The following PKIG variants were observed in gnomAD, a reference collection of about 807,000 sequenced individuals.
PKIG encodes protein kinase (cAMP-dependent, catalytic) inhibitor gamma.
A neutral mutation model predicts 6.8 loss-of-function variants in PKIG; 1 was observed. The ratio of observed to expected loss-of-function variants is 0.15; its 90% CI spans 0.05 to 0.69. The LOEUF (loss-of-function observed/expected upper bound fraction) is 0.69, where lower values mean the gene tolerates loss of function less well. Ranked by LOEUF, PKIG falls within the 30% of genes least tolerant of loss-of-function variation. The pLI is 0.82. For missense variants in PKIG, 77 were observed against 104.0 expected, an observed-to-expected ratio of 0.74 and a Z score of 1.13; for synonymous variants, 39 against 43.0, an observed-to-expected ratio of 0.91 and a Z score of 0.36.
chr20:44,533,044 G>A (rs1037084092), intron 1 of PKIG, among the ~76,000 whole-genome samples: 2 of 152,168 alleles, frequency 1.3e-5, no homozygotes, highest in African/African-American at 2.4e-5. Flanking sequence ...GTTTTAAGCC[G>A]GAGGTGTGTG....
At chr20:44,602,552 G>T (rs1463893833) in intron 2 of PKIG, among the ~76,000 whole-genome samples, 3 of 151,934 alleles carry the variant, frequency 2.0e-5, no homozygotes, top group Non-Finnish European at 2.9e-5. Context: ...AGACTTGGAG[G>T]CCAGGTGCGG....
At chr20:44,556,844 T>A (rs1275644897) in intron 1 of PKIG, among the ~76,000 whole-genome samples, 1 of 152,140 alleles carries the variant, frequency 6.6e-6, no homozygotes, top group Non-Finnish European at 1.5e-5. Flanking sequence ...TTCATAAGAT[T>A]TTCTTTCTTC....
chr20:44,576,259 A>T (rs2064897240), intron 1 of PKIG, among the ~76,000 whole-genome samples: 1 of 151,836 alleles, frequency 6.6e-6, no homozygotes, highest in Non-Finnish European at 1.5e-5. Flanking sequence ...GGCACTTGGG[A>T]TAGATGTATT....
intron 2 of PKIG, among the ~76,000 whole-genome samples, chr20:44,605,812 T>A (rs2065159541): frequency 6.6e-6 from 1 of 152,008 alleles, no homozygotes; most frequent in South Asian, 2.1e-4. Flanking sequence ...CTCAGGAAGC[T>A]AAGCTAGGAG....
intron 1 of PKIG, among the ~76,000 whole-genome samples, chr20:44,585,386 C>T (rs114469250): frequency 8.9e-4 from 136 of 152,322 alleles, no homozygotes; most frequent in African/African-American, 3.2e-3. Context: ...TCTCATTTGG[C>T]TTTGGTATCT....
chr20:44,548,903 C>CAT lies in PKIG; in HGVS notation c.-241+16930_-241+16931dup, dbSNP rs1184403763. Among the ~76,000 whole-genome samples the CAT allele has an allele frequency of 2.1e-3, 171 of 81,262 alleles. 1 individual carries two copies. Among genetic ancestry groups the CAT allele is most frequent in the African/African-American group, 0.011 (165 of 14,728 alleles). 53.3% of individuals were successfully genotyped at this position (81,262 alleles called of 152,430 possible). A position where few individuals can be genotyped will look rare whatever the true frequency, so the allele number is the denominator to read the frequency against. The stretch of plus-strand genomic sequence containing the variant: ...ACACACACACACACACACACACACA[C>CAT]ATATATCTGTCTGAGATAATAATTA... On this transcript the variant is annotated intron_variant, in intron 1 of 4. Transcript: ENST00000372887.
At chr20:44,606,032 T>C (rs913480498) in intron 2 of PKIG, among the ~76,000 whole-genome samples, 3 of 152,152 alleles carry the variant, frequency 2.0e-5, no homozygotes, top group Non-Finnish European at 4.4e-5. Context: ...ATTTTACTAA[T>C]GAATATAAAA....
intron 2 of PKIG, among the ~76,000 whole-genome samples, chr20:44,600,748 G>A (rs1050341524): frequency 1.3e-5 from 2 of 152,004 alleles, no homozygotes; most frequent in Non-Finnish European, 2.9e-5. Flanking sequence ...CATGGGTGGT[G>A]AAGAAGAAGC....
At chr20:44,564,572 GTTA>G (rs1006899931) in intron 1 of PKIG, among the ~76,000 whole-genome samples, 102 of 152,072 alleles carry the variant, frequency 6.7e-4, no homozygotes, top group African/African-American at 2.4e-3. Context: ...TCTAGCCGTT[GTTA>G]TTATTATTTT....
At chr20:44,579,349 C>G (rs1454339958), upstream of PKIG, among the ~76,000 whole-genome samples, 1 of 152,226 alleles carries the variant, frequency 6.6e-6, no homozygotes, top group African/African-American at 2.4e-5. Context: ...TCAAATGGAG[C>G]TGATGCTGCT....
Position 44,562,332 on chromosome 20 carries a change from A to G in PKIG, c.-240-20253A>G, listed in dbSNP as rs559571434. ...AAATAACCAAAATCAAGAATGAAAAAGAGGGGGCTGGGCCCAGCCTTTAAT... is the reference window on the plus strand; with the variant it reads ...AAATAACCAAAATCAAGAATGAAAAGGAGGGGGCTGGGCCCAGCCTTTAAT... On this transcript the variant is annotated intron_variant, in intron 1 of 4. Coordinates refer to the PKIG transcript ENST00000372887. Among the ~76,000 whole-genome samples the G allele has an allele frequency of 4.3e-4, 66 of 152,262 alleles. 1 individual carries two copies. Among genetic ancestry groups the G allele is most frequent in the Non-Finnish European group, 7.8e-4 (53 of 68,024 alleles).
At chr20:44,553,939 G>GAGAGA (rs1280837045) in intron 1 of PKIG, among the ~76,000 whole-genome samples, 1 of 152,116 alleles carries the variant, frequency 6.6e-6, no homozygotes, top group Non-Finnish European at 1.5e-5. Flanking sequence ...TCTTGGGGTC[G>GAGAGA]AGAGAAGAGC....
In PKIG at chr20:44,599,194, G is replaced by A. The variant is rs372089387; in HGVS notation, c.-24+9328G>A. 6.3e-4 allele frequency among the ~76,000 whole-genome samples: 96 copies of A among 152,272 alleles called. 3 individuals are homozygous for A. In the South Asian group the frequency reaches 0.019, roughly 30 times the overall value. Reference sequence around the variant, plus strand: ...TGGGGGCAGGGGAAAAAGAAGGTCAGAAAAGGGAATGGGTACTTTTCAGTA... The same window carrying A: ...TGGGGGCAGGGGAAAAAGAAGGTCAAAAAAGGGAATGGGTACTTTTCAGTA... On this transcript the variant is annotated intron_variant, in intron 2 of 3. Transcript: ENST00000372886.
intron 1 of PKIG, among the ~76,000 whole-genome samples, chr20:44,557,996 C>G (rs1010804105): frequency 1.3e-5 from 2 of 151,986 alleles, no homozygotes; most frequent in African/African-American, 4.8e-5. Context: ...GACTAGCTTT[C>G]TATAAGATAA....
chr20:44,579,937 C>T (rs566926852), upstream of PKIG, among the ~76,000 whole-genome samples: 4 of 152,300 alleles, frequency 2.6e-5, no homozygotes, highest in African/African-American at 9.6e-5. Flanking sequence ...GCCCTGACCT[C>T]CAGTCCCTCC....
intron 2 of PKIG, among the ~76,000 whole-genome samples, chr20:44,610,061 A>G (rs1375040079): frequency 1.3e-5 from 2 of 151,972 alleles, no homozygotes; most frequent in Admixed American, 6.6e-5. Context: ...CGTGACCTGT[A>G]GAAGGAGCCA....
chr20:44,601,360 C>T (rs1472627568), intron 2 of PKIG, among the ~76,000 whole-genome samples: 1 of 152,270 alleles, frequency 6.6e-6, no homozygotes, highest in Non-Finnish European at 1.5e-5. Flanking sequence ...AGGCAGGCGA[C>T]AGGCTCCTCT....
intron 1 of PKIG, among the ~76,000 whole-genome samples, chr20:44,538,396 C>A (rs2064532184): frequency 6.6e-6 from 1 of 152,050 alleles, no homozygotes; most frequent in Non-Finnish European, 1.5e-5. Context: ...TCTAATAAGT[C>A]CTGGAGTTTG....
intron 1 of PKIG, among the ~76,000 whole-genome samples, chr20:44,563,274 A>G (rs908982772): frequency 6.6e-6 from 1 of 152,234 alleles, no homozygotes; most frequent in East Asian, 1.9e-4. Flanking sequence ...ACATTTTACT[A>G]TGAAAAATTC....
Sources: gnomAD v4.1 joint callset for allele counts (sites outside exome capture counted in the v4.1 genomes callset) on GRCh38, gnomAD v4.1.1 for gene constraint, MANE v1.5 for transcripts, NCBI Gene and HGNC (gene_info 2026-07-23, HGNC 2026-07-21) for gene names.